The following UBE2E1 variants were observed in gnomAD, a reference collection of about 807,000 sequenced individuals.
UBE2E1 encodes ubiquitin conjugating enzyme E2 E1.
UBE2E1 carries 6 observed loss-of-function variants against 21.4 expected under a neutral mutation model. The ratio of observed to expected loss-of-function variants is 0.28; its 90% confidence interval spans 0.15 to 0.55. UBE2E1 has a LOEUF of 0.55. Ranked by LOEUF, UBE2E1 falls within the 20% of genes least tolerant of loss-of-function variation. The probability of loss-of-function intolerance (pLI) is 0.93; values close to 1 mark genes in which losing one functional copy is unlikely to be tolerated. For missense variants in UBE2E1, 142 were observed against 236.5 expected (o/e 0.60, Z 2.62); for synonymous variants, 87 against 82.7 (o/e 1.05, Z -0.28).
In UBE2E1 at chr3:23,842,250, G is replaced by GTGTGTGTGTGTGTGTGTGT. The variant is rs1553637746; in HGVS notation, c.203+30743_203+30744insGTGTGTGTGTGTGTGTTGT. On this transcript the variant is annotated intron_variant, in intron 3 of 5. Transcript: ENST00000306627. The surrounding 1 kb of genome is among the most constrained non-coding windows in gnomAD (Gnocchi z 4.6). ...GTGTGTGTGTGTGTGTGTGTGTGTG[G>GTGTGTGTGTGTGTGTGTGT]TGTTGTTGTTGTTGGCGACAGGGTC... Among the ~76,000 whole-genome samples the GTGTGTGTGTGTGTGTGTGT allele has an allele frequency of 1.2e-5, 1 of 86,370 alleles. No homozygotes were observed. Among genetic ancestry groups the GTGTGTGTGTGTGTGTGTGT allele is most frequent in the Non-Finnish European group, 2.3e-5 (1 of 43,224 alleles). 56.7% of individuals were successfully genotyped at this position (86,370 alleles called of 152,430 possible).
In UBE2E1 at chr3:23,811,444, AT is replaced by A; in HGVS notation, c.153-13del. 6.2e-7 allele frequency: 1 copy of A among 1,613,554 alleles called. No individual in the cohort carries two copies. Among genetic ancestry groups the A allele is most frequent in the Non-Finnish European group, 8.5e-7 (1 of 1,179,878 alleles). The stretch of plus-strand genomic sequence containing the variant: ...AATGCTTCTTGTGTTTGTCTTTCCC[AT>A]TTCTCCCACTCCAGAATTCAGAAGG... On this transcript the variant is annotated splice_polypyrimidine_tract_variant and intron_variant, in intron 2 of 5. Transcript: ENST00000306627.
chr3:23,819,155 G>A (rs918757347), intron 3 of UBE2E1, among the ~76,000 whole-genome samples: 7 of 151,934 alleles, frequency 4.6e-5, no homozygotes, highest in Admixed American at 2.0e-4. Context: ...GTGGTGGCAC[G>A]CGCCTGTAGT....
chr3:23,853,179 C>T lies in UBE2E1; in HGVS notation c.204-34388C>T, dbSNP rs1332186011. Among the ~76,000 whole-genome samples, 1 of 152,228 alleles carries T rather than the reference C, an allele frequency of 6.6e-6. No homozygotes were observed. Among genetic ancestry groups the T allele is most frequent in the East Asian group, 1.9e-4 (1 of 5,200 alleles). On this transcript the variant is annotated intron_variant, in intron 3 of 5. Transcript: ENST00000306627. The surrounding 1 kb of genome is among the most constrained non-coding windows in gnomAD (Gnocchi z 4.1). ...GAGTGCTGGGATTACAGGCGTGAGC[C>T]ACCGCGCCCAGCTGCCTTATTTCTT...
At chr3:23,864,127 T>A (rs948743685) in intron 3 of UBE2E1, among the ~76,000 whole-genome samples, 14 of 152,224 alleles carry the variant, frequency 9.2e-5, no homozygotes, top group African/African-American at 3.4e-4. Context: ...TAGCACTTGA[T>A]TGATAGTTTG....
intron 3 of UBE2E1, among the ~76,000 whole-genome samples, chr3:23,813,699 T>C (rs571528667): frequency 6.6e-6 from 1 of 152,224 alleles, no homozygotes; most frequent in Admixed American, 6.5e-5. Flanking sequence ...CGTGCCACCA[T>C]GCCCAGCTAA....
At position 23,887,591 on chromosome 3, in the gene UBE2E1, C is replaced by T. The variant is rs1322506212; in HGVS notation, c.228C>T (p.Ile76=). Residue 76 remains isoleucine, a synonymous_variant, in exon 4 of 6, where the codon ATC becomes ATT. Coordinates refer to ENST00000306627, the MANE Select transcript of UBE2E1 (RefSeq NM_003341.5). This position sits in a 1 kb window ranked among gnomAD's most constrained non-coding sequence, Gnocchi z 4.4. The stretch of plus-strand genomic sequence containing the variant: ...GTGCTGGTCCCAAAGGCGATAACAT[C>T]TATGAATGGAGATCAACCATTCTAG... The part of the protein sequence containing the change: ...NCSAGPKGDN[I]YEWRSTILGP... 1.9e-6 allele frequency: 3 copies of T among 1,612,778 alleles called. No homozygotes were observed. Among genetic ancestry groups the T allele is most frequent in the Non-Finnish European group, 2.5e-6 (3 of 1,179,712 alleles).
rs957165919 is a variant in UBE2E1, at chr3:23,833,165, C to T, written c.203+21655C>T. Among the ~76,000 whole-genome samples the T allele has an allele frequency of 5.9e-5, 9 of 152,198 alleles. No individual in the cohort carries two copies. The East Asian group carries it at 1.7e-3, about 29-fold the overall frequency. ...TTCCTCAGTCTCCATATATTTGTCT[C>T]TTAGCACTTCCTTTTATTTTCCATA... On this transcript the variant is annotated intron_variant, in intron 3 of 5. Coordinates refer to ENST00000306627, the MANE Select transcript of UBE2E1 (RefSeq NM_003341.5).
intron 3 of UBE2E1, among the ~76,000 whole-genome samples, chr3:23,837,924 C>G (rs980516230): frequency 1.4e-4 from 22 of 152,184 alleles, no homozygotes; most frequent in African/African-American, 5.1e-4. Context: ...TGCTTGTCCA[C>G]TAATCTGCAT....
chr3:23,818,913 G>A (rs965045958), intron 3 of UBE2E1, among the ~76,000 whole-genome samples: 3 of 152,110 alleles, frequency 2.0e-5, no homozygotes, highest in Non-Finnish European at 4.4e-5. Context: ...TTTCTCTTGG[G>A]GCTCTAAAGT....
chr3:23,844,689 T>C (rs1395049112), intron 3 of UBE2E1, among the ~76,000 whole-genome samples: 13 of 152,236 alleles, frequency 8.5e-5, no homozygotes, highest in Admixed American at 8.5e-4. Flanking sequence ...TGTGTCCTCT[T>C]AGGTGCGTTC....
At chr3:23,815,844 G>T (rs978576059) in intron 3 of UBE2E1, among the ~76,000 whole-genome samples, 2 of 152,210 alleles carry the variant, frequency 1.3e-5, no homozygotes, top group African/African-American at 2.4e-5. Context: ...AAGGATAGAA[G>T]TGTGACTTAA....
intron 4 of UBE2E1, chr3:23,888,286 C>T (rs1172073791): frequency 4.4e-6 from 2 of 457,080 alleles, no homozygotes; most frequent in Admixed American, 4.7e-5. Context: ...AGTCACCCAT[C>T]TCCTGTACTC....
At chr3:23,852,917 G>GT (rs376198572) in intron 3 of UBE2E1, among the ~76,000 whole-genome samples, 1,985 of 141,808 alleles carry the variant, frequency 0.014, 39 homozygotes, top group African/African-American at 0.044. Context: ...ATTTTGTTTT[G>GT]TTTTTTTTTT....
At chr3:23,813,843 G>A (rs1559474491) in intron 3 of UBE2E1, among the ~76,000 whole-genome samples, 1 of 152,082 alleles carries the variant, frequency 6.6e-6, no homozygotes, top group Non-Finnish European at 1.5e-5. Flanking sequence ...ACCTGGCCTT[G>A]GGGATACTTT....
At chr3:23,830,917 A>G (rs964669671) in intron 3 of UBE2E1, among the ~76,000 whole-genome samples, 2 of 152,198 alleles carry the variant, frequency 1.3e-5, no homozygotes, top group African/African-American at 4.8e-5. Context: ...TAAAACTTAA[A>G]CCATTCCTGT....
rs999415450 is a variant in UBE2E1, at chr3:23,816,482, G to A, written c.203+4972G>A. Among the ~76,000 whole-genome samples the A allele has an allele frequency of 6.6e-6, 1 of 151,988 alleles. No homozygotes were observed. Among genetic ancestry groups the A allele is most frequent in the African/African-American group, 2.4e-5 (1 of 41,364 alleles). On this transcript the variant is annotated intron_variant, in intron 3 of 5. Transcript: ENST00000306627. This position sits in a 1 kb window ranked among gnomAD's most constrained non-coding sequence, Gnocchi z 4.8. ...AGCACTTTGGGAGGCTGAGGCAGGC[G>A]GATCACGAGGTCAGGAGATCGACAC...
intron 5 of UBE2E1, among the ~76,000 whole-genome samples, chr3:23,890,124 A>G (rs1701345027): frequency 6.6e-6 from 1 of 152,178 alleles, no homozygotes; most frequent in Admixed American, 6.5e-5. Flanking sequence ...AATGCCGTTA[A>G]CTGGTGACAT....
At chr3:23,882,406 T>C (rs529451559) in intron 3 of UBE2E1, among the ~76,000 whole-genome samples, 19 of 152,364 alleles carry the variant, frequency 1.2e-4, no homozygotes, top group Admixed American at 2.6e-4. Flanking sequence ...ACATTTACAA[T>C]CCTCCAGCTA....
At chr3:23,877,585 CAG>C (rs533042566) in intron 3 of UBE2E1, among the ~76,000 whole-genome samples, 83 of 152,274 alleles carry the variant, frequency 5.5e-4, no homozygotes, top group African/African-American at 1.8e-3. Flanking sequence ...TGCCAAACGT[CAG>C]GGGGTGGGGT....
Sources: allele counts gnomAD v4.1 joint callset (sites outside exome capture counted in the v4.1 genomes callset), GRCh38; gene constraint gnomAD v4.1.1; non-coding constraint Gnocchi (gnomAD v3.1); transcripts MANE v1.5; gene names NCBI Gene and HGNC (gene_info 2026-07-23, HGNC 2026-07-21).